AFDN: variants seen among roughly 807,000 people sequenced by gnomAD.
AFDN encodes afadin, adherens junction formation factor.
Under a neutral mutation model 216.6 loss-of-function variants are expected in AFDN, and 68 were observed. The observed-to-expected ratio is 0.31, with a 90% CI of 0.26 to 0.38. The LOEUF (loss-of-function observed/expected upper bound fraction) is 0.38, where lower values mean the gene tolerates loss of function less well. AFDN is among the 10% of genes least tolerant of loss of function. The pLI, the probability that AFDN is intolerant of heterozygous loss-of-function variation, is 1.00. For missense variants in AFDN, 2,136 were observed against 2,342.0 expected (o/e 0.91, Z 1.82); for synonymous variants, 868 against 853.7 (o/e 1.02, Z -0.29).
In AFDN at chr6:167,890,960, G is replaced by A; in HGVS notation, c.1108G>A (p.Ala370Thr). The change falls in exon 8 of 34, where the codon GCT becomes ACT. Residue 370 changes from alanine (A) to threonine (T), a missense_variant. Ala to Thr is a moderately conservative substitution (Grantham distance 58). Coordinates refer to ENST00000683244, the MANE Select transcript of AFDN (RefSeq NM_001386888.1). ...EGKTPKGKER[A>T]DGSGYGSTLP... ...CAAGACACCCAAGGGAAAGGAGAGA[G>A]CTGACGGGTCTGGCTATGGCTCCAC... The A allele has an allele frequency of 6.2e-7, 1 of 1,614,104 alleles. No homozygotes were observed. Among genetic ancestry groups the A allele is most frequent in the Non-Finnish European group, 8.5e-7 (1 of 1,179,996 alleles).
At position 167,952,194 on chromosome 6, in the gene AFDN, G is replaced by T. The variant is rs180865256; in HGVS notation, c.4833+7G>T. 4.6e-5 allele frequency: 75 copies of T among 1,614,036 alleles called. No individual in the cohort carries two copies. Among genetic ancestry groups the T allele is most frequent in the Admixed American group, 1.8e-4 (11 of 60,022 alleles). ...GGCTGAACGAAGAGCGAGGGTAAAGGGGGGAGTGCTTTGGCTGTGCCCATC... is the reference window on the plus strand; with the variant it reads ...GGCTGAACGAAGAGCGAGGGTAAAGTGGGGAGTGCTTTGGCTGTGCCCATC... On this transcript the variant is annotated splice_region_variant and intron_variant, in intron 30 of 33. Coordinates refer to ENST00000683244, the MANE Select transcript of AFDN (RefSeq NM_001386888.1).
intron 21 of AFDN, among the ~76,000 whole-genome samples, chr6:167,921,245 G>T (rs1000055332): frequency 1.8e-4 from 27 of 152,216 alleles, no homozygotes; most frequent in African/African-American, 6.5e-4. Flanking sequence ...GAAATAGTGA[G>T]CTCTTGACTT....
intron 7 of AFDN, among the ~76,000 whole-genome samples, chr6:167,890,242 T>C (rs1170110444): frequency 6.6e-6 from 1 of 152,212 alleles, no homozygotes; most frequent in Non-Finnish European, 1.5e-5. Context: ...AAAACACTTG[T>C]TTAGTATTTT....
chr6:167,961,494 A>G (rs912004795), intron 30 of AFDN, among the ~76,000 whole-genome samples: 5 of 152,344 alleles, frequency 3.3e-5, no homozygotes, highest in African/African-American at 1.2e-4. Context: ...TATAGTGCAT[A>G]GAGATGTGAG....
At chr6:167,892,739 C>T (rs1236867352) in intron 8 of AFDN, among the ~76,000 whole-genome samples, 1 of 152,176 alleles carries the variant, frequency 6.6e-6, no homozygotes, top group African/African-American at 2.4e-5. Flanking sequence ...TTGGGGATTT[C>T]TCTTCTAGTG....
chr6:167,913,705 G>T (rs1790693470), intron 16 of AFDN: 1 of 496,228 alleles, frequency 2.0e-6, no homozygotes, highest in Middle Eastern at 5.2e-4. Flanking sequence ...CTCATCTGAG[G>T]TTGCCTGGCC....
At position 167,969,103 on chromosome 6, in the gene AFDN, T is replaced by C. The variant is rs1246104501; in HGVS notation, c.5258-11T>C. On this transcript the variant is annotated splice_polypyrimidine_tract_variant and intron_variant, in intron 32 of 33. Transcript: ENST00000683244. ...GGTACTTTAACTTGTACTGTTTCTT[T>C]CATGGAAAAGGACCAAACTCTTACC... 1 of 1,605,628 alleles carries C rather than the reference T, an allele frequency of 6.2e-7. No homozygotes were observed. Among genetic ancestry groups the C allele is most frequent in the Non-Finnish European group, 8.5e-7 (1 of 1,172,302 alleles).
intron 1 of AFDN, among the ~76,000 whole-genome samples, chr6:167,856,722 T>C (rs1782938546): frequency 6.6e-6 from 1 of 152,102 alleles, no homozygotes; most frequent in South Asian, 2.1e-4. Context: ...GGTACTGTTA[T>C]CTCCATTTTT....
At chr6:167,956,439 G>T (rs1167963669) in intron 30 of AFDN, among the ~76,000 whole-genome samples, 9 of 152,084 alleles carry the variant, frequency 5.9e-5, no homozygotes, top group Non-Finnish European at 1.5e-5. Context: ...CATCACCCCT[G>T]TCAGTCCAGG....
chr6:167,895,421 G>A (rs1788117219), intron 9 of AFDN, among the ~76,000 whole-genome samples: 1 of 152,180 alleles, frequency 6.6e-6, no homozygotes, highest in South Asian at 2.1e-4. Context: ...CAGGACTTTA[G>A]AGCAGTTAGA....
In AFDN at chr6:167,924,949, C is replaced by T. The variant is rs764114234; in HGVS notation, c.3013-56C>T. 4.9e-6 allele frequency: 6 copies of T among 1,216,566 alleles called. No individual in the cohort carries two copies. In the South Asian group the frequency reaches 7.2e-5, roughly 15 times the overall value. 75.4% of individuals were successfully genotyped at this position (1,216,566 alleles called of 1,614,324 possible). A position where few individuals can be genotyped will look rare whatever the true frequency, so the allele number is the denominator to read the frequency against. The stretch of plus-strand genomic sequence containing the variant: ...TTGACTAGATCATGAGTTGTCTAAC[C>T]ATACAGAAGCACTTCCATTTCAGTC... On this transcript the variant is annotated intron_variant, in intron 22 of 33. Coordinates refer to ENST00000683244, the MANE Select transcript of AFDN (RefSeq NM_001386888.1).
At chr6:167,893,650 A>C (rs1787881605) in intron 8 of AFDN, 1 of 533,664 alleles carries the variant, frequency 1.9e-6, no homozygotes, top group Admixed American at 3.1e-5. Flanking sequence ...AACAGTCTGC[A>C]TTGGTTTCTA....
chr6:167,866,242 G>A (rs1784170878), intron 2 of AFDN, among the ~76,000 whole-genome samples: 1 of 152,126 alleles, frequency 6.6e-6, no homozygotes, highest in Non-Finnish European at 1.5e-5. Context: ...AAAGAAAAGG[G>A]TGAAAACAAA....
At chr6:167,878,838 G>A (rs1241227906) in intron 5 of AFDN, among the ~76,000 whole-genome samples, 1 of 152,118 alleles carries the variant, frequency 6.6e-6, no homozygotes, top group Non-Finnish European at 1.5e-5. Flanking sequence ...GTCCCCTGCT[G>A]AGACAAAGCC....
chr6:167,903,790 C>T (rs559677881), intron 12 of AFDN, among the ~76,000 whole-genome samples: 1 of 152,300 alleles, frequency 6.6e-6, no homozygotes, highest in South Asian at 2.1e-4. Flanking sequence ...CTTTCCTCTG[C>T]TCCTGTTCAT....
rs142645629 is a variant in AFDN at position 167,890,675 on chromosome 6, C to T, written c.1010-187C>T. On this transcript the variant is annotated intron_variant, in intron 7 of 33. Transcript: ENST00000683244. Reference sequence around the variant, plus strand: ...GCTTGCTAGAGCTTTTCAAACACACCAAGAGGCTAATATTTCCTCTGTTGA... The same window carrying T: ...GCTTGCTAGAGCTTTTCAAACACACTAAGAGGCTAATATTTCCTCTGTTGA... Among the ~76,000 whole-genome samples the T allele has an allele frequency of 8.6e-5, 13 of 151,760 alleles. No individual in the cohort carries two copies. In the East Asian group the frequency reaches 2.3e-3, roughly 27 times the overall value.
At chr6:167,838,327 A>ATCTCGCTG (rs1366969280) in intron 1 of AFDN, among the ~76,000 whole-genome samples, 4 of 3,452 alleles carry the variant, frequency 1.2e-3, no homozygotes, top group Non-Finnish European at 3.2e-3. Flanking sequence ...CCATCTCGCC[A>ATCTCGCTG]TCTCGCTTAG....
intron 13 of AFDN, among the ~76,000 whole-genome samples, chr6:167,907,624 C>T (rs1023158637): frequency 3.3e-5 from 5 of 152,146 alleles, no homozygotes; most frequent in African/African-American, 9.7e-5. Context: ...TTAGAAAAAT[C>T]TGGTCATTTC....
At chr6:167,967,702 G>C (rs1490381571) in intron 32 of AFDN, among the ~76,000 whole-genome samples, 3 of 152,066 alleles carry the variant, frequency 2.0e-5, no homozygotes, top group African/African-American at 4.8e-5. Context: ...TACCTCACAG[G>C]ACCAGGTCAT....
Sources: allele counts gnomAD v4.1 joint callset (sites outside exome capture counted in the v4.1 genomes callset), GRCh38; gene constraint gnomAD v4.1.1; transcripts MANE v1.5; gene names NCBI Gene and HGNC (gene_info 2026-07-23, HGNC 2026-07-21).